The following TMEM156 variants were observed in gnomAD, a reference collection of about 807,000 sequenced individuals.
TMEM156 encodes transmembrane protein 156.
Under a neutral mutation model 30.5 loss-of-function variants are expected in TMEM156, and 28 were observed. That is an observed-to-expected ratio of 0.92 (90% CI 0.68 to 1.26). The LOEUF is 1.26. Among genes scored for constraint, TMEM156 ranks in the 50% most tolerant of loss-of-function variants. TMEM156 has a pLI of 0.00. For missense variants in TMEM156, 351 were observed against 340.6 expected, an observed-to-expected ratio of 1.03 and a Z score of -0.24; for synonymous variants, 137 against 119.9, an observed-to-expected ratio of 1.14 and a Z score of -0.93.
chr4:38,973,834 G>C (rs777724305), intron 5 of TMEM156, among the ~76,000 whole-genome samples: 27 of 152,056 alleles, frequency 1.8e-4, no homozygotes, highest in Non-Finnish European at 3.1e-4. Context: ...TTGTTTGTTT[G>C]AGAGAAATAT....
At chr4:38,969,155 G>A (rs1337540576) in intron 6 of TMEM156, among the ~76,000 whole-genome samples, 1 of 152,192 alleles carries the variant, frequency 6.6e-6, no homozygotes, top group African/African-American at 2.4e-5. Context: ...CACATTCAAT[G>A]TATTCCTTCT....
chr4:39,025,670 G>C (rs1467715161), intron 1 of TMEM156, among the ~76,000 whole-genome samples: 2 of 152,172 alleles, frequency 1.3e-5, no homozygotes, highest in African/African-American at 4.8e-5. Context: ...TGAGACATAG[G>C]AGACTGCTCA....
At chr4:39,025,157 T>C (rs1715118137) in intron 1 of TMEM156, among the ~76,000 whole-genome samples, 1 of 152,012 alleles carries the variant, frequency 6.6e-6, no homozygotes, top group Non-Finnish European at 1.5e-5. Flanking sequence ...GAAACCAGCC[T>C]GGATAACATG....
intron 1 of TMEM156, among the ~76,000 whole-genome samples, chr4:39,005,958 C>T (rs972613387): frequency 3.3e-5 from 5 of 152,118 alleles, no homozygotes; most frequent in Admixed American, 6.6e-5. Context: ...TGCAGTGGTA[C>T]GATCTCGGCT....
At chr4:38,990,152 G>A (rs1712317818) in intron 3 of TMEM156, among the ~76,000 whole-genome samples, 1 of 152,224 alleles carries the variant, frequency 6.6e-6, no homozygotes, top group Admixed American at 6.5e-5. Flanking sequence ...ACAAAAGACA[G>A]CTAGTACTTA....
chr4:38,981,584 T>A (rs1711559145), intron 5 of TMEM156, among the ~76,000 whole-genome samples: 2 of 152,178 alleles, frequency 1.3e-5, no homozygotes, highest in South Asian at 4.1e-4. Context: ...TTACATGGCG[T>A]GCTAGAAAGT....
intron 3 of TMEM156, among the ~76,000 whole-genome samples, chr4:38,993,467 A>T (rs1050342832): frequency 1.3e-5 from 2 of 152,102 alleles, no homozygotes; most frequent in African/African-American, 4.8e-5. Context: ...ACAATAAAAA[A>T]AAATTATTCT....
intron 5 of TMEM156, among the ~76,000 whole-genome samples, chr4:38,979,865 C>T (rs115472727): frequency 0.012 from 1,878 of 152,280 alleles, 40 homozygotes; most frequent in African/African-American, 0.042. Flanking sequence ...AAAAACCTTC[C>T]AGTCTTAATT....
At chr4:39,011,442 G>A (rs1272216870) in intron 1 of TMEM156, among the ~76,000 whole-genome samples, 1 of 150,090 alleles carries the variant, frequency 6.7e-6, no homozygotes, top group Non-Finnish European at 1.5e-5. Flanking sequence ...AAAGACACCT[G>A]CACTCATACG....
At chr4:38,978,835 T>C (rs1430164805) in intron 5 of TMEM156, among the ~76,000 whole-genome samples, 1 of 151,916 alleles carries the variant, frequency 6.6e-6, no homozygotes. Context: ...TAGGCCGGAG[T>C]GCAGAGGCAC....
At chr4:38,980,584 TAATAACACAAAGCAC>T (rs1215089313) in intron 5 of TMEM156, among the ~76,000 whole-genome samples, 18 of 152,288 alleles carry the variant, frequency 1.2e-4, no homozygotes, top group African/African-American at 4.3e-4. Context: ...ACTAATCAAA[TAATAACACAAAGCAC>T]AATAACACAA....
At chr4:38,985,963 G>C (rs1711951103) in intron 5 of TMEM156, among the ~76,000 whole-genome samples, 1 of 152,228 alleles carries the variant, frequency 6.6e-6, no homozygotes, top group Non-Finnish European at 1.5e-5. Context: ...CCTCTGCTAA[G>C]GGAAGGCTCC....
intron 4 of TMEM156, among the ~76,000 whole-genome samples, chr4:38,987,522 T>C (rs1712089499): frequency 1.3e-5 from 2 of 152,202 alleles, no homozygotes; most frequent in Admixed American, 6.5e-5. Flanking sequence ...AAAGAATGAA[T>C]TGCAACTTTA....
intron 1 of TMEM156, among the ~76,000 whole-genome samples, chr4:39,005,117 CA>C (rs1713637716): frequency 6.6e-6 from 1 of 152,156 alleles, no homozygotes. Flanking sequence ...AGGACAAAAT[CA>C]AGTGACTATA....
At chr4:39,020,920 G>A (rs2110054435) in intron 1 of TMEM156, among the ~76,000 whole-genome samples, 1 of 152,222 alleles carries the variant, frequency 6.6e-6, no homozygotes, top group East Asian at 1.9e-4. Context: ...TCCCACAACA[G>A]TATACAAGGG....
intron 1 of TMEM156, among the ~76,000 whole-genome samples, chr4:39,019,036 A>AC (rs1462052143): frequency 2.6e-5 from 4 of 151,208 alleles, no homozygotes; most frequent in South Asian, 2.1e-4. Context: ...AACAAAACAA[A>AC]AAAAAAAAAA....
intron 2 of TMEM156, among the ~76,000 whole-genome samples, chr4:38,994,672 A>G (rs12640902): frequency 0.45 from 68,538 of 151,830 alleles, 15,791 homozygotes; most frequent in East Asian, 0.66. Flanking sequence ...GTTTGGGCCA[A>G]GCACGGCGAT....
intron 1 of TMEM156, 30 bp from the exon 2 acceptor site, chr4:38,998,939 T>C (rs1428133616): frequency 2.5e-6 from 4 of 1,576,626 alleles, no homozygotes; most frequent in South Asian, 1.2e-5. Context: ...ACACTTTCTT[T>C]ACTGTAAAGC....
chr4:38,996,008 A>C (rs1712899870), intron 2 of TMEM156, among the ~76,000 whole-genome samples: 1 of 152,194 alleles, frequency 6.6e-6, no homozygotes, highest in African/African-American at 2.4e-5. Flanking sequence ...AATGAGAGAA[A>C]ATATTTTCAA....
Sources: allele counts gnomAD v4.1 joint callset (sites outside exome capture counted in the v4.1 genomes callset), GRCh38; gene constraint gnomAD v4.1.1; transcripts MANE v1.5; gene names NCBI Gene and HGNC (gene_info 2026-07-23, HGNC 2026-07-21).